The following NAALADL1 variants were observed in gnomAD, a reference collection of about 807,000 sequenced individuals.
NAALADL1 encodes the protein aminopeptidase NAALADL1.
Under a neutral mutation model 82.8 loss-of-function variants are expected in NAALADL1, and 77 were observed. The observed-to-expected ratio is 0.93, with a 90% CI of 0.77 to 1.12. The LOEUF is 1.12. Ranked by LOEUF, NAALADL1 falls within the 50% of genes most tolerant of loss-of-function variation. NAALADL1 has a pLI of 0.00. For missense variants in NAALADL1, 956 were observed against 964.0 expected (o/e 0.99, Z 0.11); for synonymous variants, 358 against 399.2 (o/e 0.90, Z 1.23).
chr11:65,048,250 G>A (rs763567957), intron 9 of NAALADL1, 35 bp from the exon 10 acceptor site: 3 of 1,614,064 alleles, frequency 1.9e-6, no homozygotes, highest in Non-Finnish European at 1.7e-6. Flanking sequence ...GCCCCGCGCC[G>A]TTCTGTCCTG....
upstream of NAALADL1, among the ~76,000 whole-genome samples, chr11:65,060,153 T>C (rs1369396756): frequency 6.6e-6 from 1 of 151,008 alleles, no homozygotes; most frequent in Non-Finnish European, 1.5e-5. Context: ...TGTGTGCACG[T>C]GCATGTGTGT....
At chr11:65,060,053 C>T (rs890457493), upstream of NAALADL1, among the ~76,000 whole-genome samples, 5 of 152,158 alleles carry the variant, frequency 3.3e-5, no homozygotes, top group African/African-American at 1.2e-4. Context: ...CTTGACTCTG[C>T]CTCGCAGGTT....
upstream of NAALADL1, among the ~76,000 whole-genome samples, chr11:65,060,329 C>T (rs929200760): frequency 6.6e-6 from 1 of 151,974 alleles, no homozygotes; most frequent in Admixed American, 6.6e-5. Flanking sequence ...GGAGGTGCAC[C>T]AGGAAGCCAC....
intron 8 of NAALADL1, among the ~76,000 whole-genome samples, chr11:65,049,301 G>A (rs1428685349): frequency 6.6e-6 from 1 of 152,138 alleles, no homozygotes; most frequent in African/African-American, 2.4e-5. Flanking sequence ...GATTACAGGT[G>A]TGAGCCACCG....
At chr11:65,057,303 A>C in intron 4 of NAALADL1, 68 bp downstream of exon 4, 1 of 1,513,316 alleles carries the variant, frequency 6.6e-7, no homozygotes, top group Non-Finnish European at 8.8e-7. Flanking sequence ...CCTTCCCCTC[A>C]CTTCCTCCAG....
At position 65,058,524 on chromosome 11, in the gene NAALADL1, T is replaced by C. The variant is rs1947113847; in HGVS notation, c.-3A>G. ...CCCAACACCTTCGTCCACTGCATCC[T>C]GCGGACTCTTGGCCAGCTGGGGTAG... On this transcript the variant is annotated 5_prime_UTR_variant, in exon 1 of 18. Coordinates refer to ENST00000358658, the MANE Select transcript of NAALADL1 (RefSeq NM_005468.3). 6.3e-7 allele frequency: 1 copy of C among 1,583,578 alleles called. No individual in the cohort carries two copies. The highest frequency in any genetic ancestry group is 8.6e-7 in the Non-Finnish European group (1 of 1,165,854).
At position 65,054,513 on chromosome 11, in the gene NAALADL1, C is replaced by T. The variant is rs138766443; in HGVS notation, c.829G>A (p.Gly277Arg). 42 of 1,613,840 alleles carry T rather than the reference C, an allele frequency of 2.6e-5. 1 individual carries two copies. The highest frequency in any genetic ancestry group is 1.6e-4 in the Middle Eastern group (1 of 6,084). Residue 277 changes from glycine (G) to arginine (R), a missense_variant, in exon 5 of 18, where the codon GGA becomes AGA. Gly to Arg is a moderately radical substitution (Grantham distance 125). Coordinates refer to ENST00000358658, the MANE Select transcript of NAALADL1 (RefSeq NM_005468.3). This position sits in a 1 kb window ranked among gnomAD's most constrained non-coding sequence, Gnocchi z 4.3. ...GGCTGTGTAGGAATTGGGGGAAATCCGGAGACATTGGCAAGGTCCACGCGG... is the reference window on the plus strand; with the variant it reads ...GGCTGTGTAGGAATTGGGGGAAATCTGGAGACATTGGCAAGGTCCACGCGG... ...SFRVDLANVS[G>R]FPPIPTQPIG...
intron 4 of NAALADL1, among the ~76,000 whole-genome samples, chr11:65,056,651 C>T (rs2137031455): frequency 6.6e-6 from 1 of 151,948 alleles, no homozygotes. Flanking sequence ...AGGCAATCCG[C>T]CTGCCTTGGC....
Position 65,054,706 on chromosome 11 carries a change from C to T in NAALADL1, c.636G>A (p.Gly212=), listed in dbSNP as rs754816328. ...CGGCAGGGTCTGTGTACACCAGCAC[C>T]CCAGCTACCCCGTGCTTGGCAGCGT... ...AVNAAKHGVA[G]VLVYTDPADI... is the part of the protein sequence containing the mutation. Residue 212 remains glycine, a synonymous_variant, in exon 5 of 18, where the codon GGG becomes GGA. Coordinates refer to ENST00000358658, the MANE Select transcript of NAALADL1 (RefSeq NM_005468.3). The surrounding 1 kb of genome is among the most constrained non-coding windows in gnomAD (Gnocchi z 4.3). The T allele has an allele frequency of 3.7e-6, 6 of 1,613,864 alleles. No homozygotes were observed. In the African/African-American group the frequency reaches 5.3e-5, roughly 14 times the overall value.
rs1946689428 is a variant in NAALADL1 at position 65,045,203 on chromosome 11, A to G, written c.*68T>C. 6.5e-7 allele frequency: 1 copy of G among 1,533,244 alleles called. No homozygotes were observed. The highest frequency in any genetic ancestry group is 8.8e-7 in the Non-Finnish European group (1 of 1,130,464). 95.0% of individuals were successfully genotyped at this position (1,533,244 alleles called of 1,614,324 possible). A position where few individuals can be genotyped will look rare whatever the true frequency, so the allele number is the denominator to read the frequency against. ...CCCTCTTCTGGCACCAAGGAAGACC[A>G]GGACATCTCAGGAAAGCAGGCAGGA... On this transcript the variant is annotated 3_prime_UTR_variant, in exon 18 of 18. Transcript: ENST00000358658.
Position 65,058,525 on chromosome 11 carries a change from G to A in NAALADL1, c.-4C>T, listed in dbSNP as rs751192097. 1 of 1,583,524 alleles carries A rather than the reference G, an allele frequency of 6.3e-7. No individual in the cohort carries two copies. Among genetic ancestry groups the A allele is most frequent in the Admixed American group, 1.8e-5 (1 of 56,028 alleles). On this transcript the variant is annotated 5_prime_UTR_variant, in exon 1 of 18. Coordinates refer to ENST00000358658, the MANE Select transcript of NAALADL1 (RefSeq NM_005468.3). ...CCAACACCTTCGTCCACTGCATCCT[G>A]CGGACTCTTGGCCAGCTGGGGTAGG...
intron 8 of NAALADL1, 176 bp from the exon 9 acceptor site, chr11:65,048,561 C>T: frequency 3.0e-6 from 2 of 657,064 alleles, no homozygotes; most frequent in Non-Finnish European, 5.2e-6. Flanking sequence ...AAACACTGAC[C>T]CCAACTCCAA....
In NAALADL1 at chr11:65,054,654, C is replaced by G; in HGVS notation, c.688G>C (p.Asp230His). 5 of 1,614,090 alleles carry G rather than the reference C, an allele frequency of 3.1e-6. No homozygotes were observed. The highest frequency in any genetic ancestry group is 4.2e-6 in the Non-Finnish European group (5 of 1,180,008). ...TACCAGGAGTTGGGAAAGGTTTCGT[C>G]GGGTGAGCTCAGCCCATCGTTGATG... Reference protein sequence around the residue: ...ADINDGLSSPDETFPNSWYLP... With the variant: ...ADINDGLSSPHETFPNSWYLP... The change falls in exon 5 of 18, where the codon GAC (aspartate) becomes CAC (histidine). Residue 230 changes from aspartate to histidine, a missense_variant. By Grantham distance (81) the Asp-to-His change is moderately conservative. Transcript: ENST00000358658. This position sits in a 1 kb window ranked among gnomAD's most constrained non-coding sequence, Gnocchi z 4.3.
chr11:65,048,981 T>A (rs930395031), intron 8 of NAALADL1, among the ~76,000 whole-genome samples: 4 of 152,122 alleles, frequency 2.6e-5, no homozygotes, highest in African/African-American at 9.7e-5. Flanking sequence ...GAGAATCGCT[T>A]GAGCCTGGGA....
chr11:65,058,195 G>A lies in NAALADL1; in HGVS notation c.241C>T (p.Gln81Ter). 2 of 1,613,774 alleles carry A rather than the reference G, an allele frequency of 1.2e-6. No homozygotes were observed. The highest frequency in any genetic ancestry group is 1.7e-6 in the Non-Finnish European group (2 of 1,179,854). Residue 81 changes from glutamine to a stop codon, truncating the protein, a stop_gained, in exon 2 of 18, where the codon CAG becomes TAG. Transcript: ENST00000358658. LOFTEE classifies it high-confidence loss of function. ...TCCTTCCAGCGCTGCAGCAGCAGCT[G>A]CACCAGGTCCTCATCCCGAGGGCTG... The part of the protein sequence containing the change: ...ASSPRDEDLV[Q>*]LLLQRWKDPE...
In NAALADL1 at chr11:65,057,768, G is replaced by A. The variant is rs891872125; in HGVS notation, c.480+107C>T. Reference sequence around the variant, plus strand: ...GTGTCCCGGTGAGTAAATTCCGGAGGGCGCGCTGTGCCCCAGTTGAGGCAC... The same window carrying A: ...GTGTCCCGGTGAGTAAATTCCGGAGAGCGCGCTGTGCCCCAGTTGAGGCAC... On this transcript the variant is annotated intron_variant, in intron 3 of 17. Transcript: ENST00000358658. The A allele has an allele frequency of 3.2e-5, 48 of 1,519,576 alleles. 1 individual carries two copies. The South Asian group carries it at 5.6e-4, about 18-fold the overall frequency. The allele number at this position is 1,519,576 out of a possible 1,614,324, so 94.1% of individuals were successfully genotyped here.
intron 4 of NAALADL1, 89 bp downstream of exon 4, chr11:65,057,282 C>G: frequency 2.0e-6 from 3 of 1,484,548 alleles, no homozygotes; most frequent in Non-Finnish European, 2.7e-6. Context: ...AACACTGCCT[C>G]TTCTCCTTCC....
At chr11:65,058,722 G>A (rs1394187118), upstream of NAALADL1, among the ~76,000 whole-genome samples, 3 of 152,206 alleles carry the variant, frequency 2.0e-5, no homozygotes, top group Non-Finnish European at 4.4e-5. Flanking sequence ...GCCTGGAATG[G>A]CTCTCCAAGG....
rs372165926 is a variant in NAALADL1, at chr11:65,058,252, T to C, written c.186-2A>G. 35 of 1,613,372 alleles carry C rather than the reference T, an allele frequency of 2.2e-5. No homozygotes were observed. Among genetic ancestry groups the C allele is most frequent in the Non-Finnish European group, 2.5e-5 (30 of 1,179,716 alleles). On this transcript the variant is annotated splice_acceptor_variant, in intron 1 of 17. Transcript: ENST00000358658. LOFTEE classifies it high-confidence loss of function. Reference sequence around the variant, plus strand: ...AGGTGTGGCTCCCTGGAGAGTTCTCTGCAGGGTGGGCAGAGGGAGGGGCAG... The same window carrying C: ...AGGTGTGGCTCCCTGGAGAGTTCTCCGCAGGGTGGGCAGAGGGAGGGGCAG...
Sources: allele counts gnomAD v4.1 joint callset (sites outside exome capture counted in the v4.1 genomes callset), GRCh38; gene constraint gnomAD v4.1.1; non-coding constraint Gnocchi (gnomAD v3.1); transcripts MANE v1.5; gene names NCBI Gene and HGNC (gene_info 2026-07-23, HGNC 2026-07-21).